MBNL1: variants seen among roughly 807,000 people sequenced by gnomAD.
MBNL1 encodes the protein muscleblind-like protein 1.
Under a neutral mutation model 42.2 loss-of-function variants are expected in MBNL1, and 8 were observed. The observed-to-expected ratio is 0.19, with a 90% CI of 0.11 to 0.34. The LOEUF (loss-of-function observed/expected upper bound fraction) is 0.34, where lower values mean the gene tolerates loss of function less well. Among genes scored for constraint, MBNL1 ranks in the 10% least tolerant of loss-of-function variants. The probability of loss-of-function intolerance (pLI) is 1.00; values close to 1 mark genes in which losing one functional copy is unlikely to be tolerated. For synonymous variants in MBNL1, 169 were observed against 173.9 expected (o/e 0.97, Z 0.22); for missense variants, 309 against 495.3 (o/e 0.62, Z 3.57).
At chr3:152,292,429 C>T (rs533995359) in intron 1 of MBNL1, among the ~76,000 whole-genome samples, 2 of 152,316 alleles carry the variant, frequency 1.3e-5, no homozygotes, top group African/African-American at 4.8e-5. Flanking sequence ...ATCCTTCCTA[C>T]AGTAGACCAC....
At chr3:152,413,793 G>T (rs1473841672) in intron 2 of MBNL1, among the ~76,000 whole-genome samples, 1 of 152,044 alleles carries the variant, frequency 6.6e-6, no homozygotes, top group East Asian at 1.9e-4. Flanking sequence ...TTGTCAAGGT[G>T]GTTGATGAGA....
chr3:152,284,250 A>G (rs924301224), intron 1 of MBNL1, among the ~76,000 whole-genome samples: 2 of 152,078 alleles, frequency 1.3e-5, no homozygotes, highest in African/African-American at 4.8e-5. Flanking sequence ...AAGAAAACCT[A>G]AAAAAAGAAG....
chr3:152,308,742 G>A (rs2064654533), intron 2 of MBNL1, among the ~76,000 whole-genome samples: 1 of 151,800 alleles, frequency 6.6e-6, no homozygotes, highest in Non-Finnish European at 1.5e-5. Context: ...GGTTGTTGCT[G>A]TTGTTTTCTA....
intron 2 of MBNL1, among the ~76,000 whole-genome samples, chr3:152,364,432 G>A (rs565463457): frequency 2.0e-5 from 3 of 152,132 alleles, no homozygotes; most frequent in South Asian, 2.1e-4. Flanking sequence ...TGGAAGTCAG[G>A]AAGGATAAAT....
rs183036022 is a variant in MBNL1 at position 152,295,718 on chromosome 3, C to T, written c.-789-3687C>T. Among the ~76,000 whole-genome samples, 203 of 152,202 alleles carry T rather than the reference C, an allele frequency of 1.3e-3. 1 individual carries two copies. Among genetic ancestry groups the T allele is most frequent in the Non-Finnish European group, 2.3e-3 (158 of 68,008 alleles). On this transcript the variant is annotated intron_variant, in intron 1 of 9. Transcript: ENST00000324210. ...TCCTATAGAGAAGGTGATTTTTGAACAGCAATTTAAACAAGGAGAAGGAAT... is the reference window on the plus strand; with the variant it reads ...TCCTATAGAGAAGGTGATTTTTGAATAGCAATTTAAACAAGGAGAAGGAAT...
chr3:152,446,285 T>A (rs1463520396), intron 5 of MBNL1, among the ~76,000 whole-genome samples: 1 of 152,164 alleles, frequency 6.6e-6, no homozygotes, highest in East Asian at 1.9e-4. Context: ...AATATATGAC[T>A]TAAATCAATG....
At chr3:152,268,543 A>G (rs1338627807), upstream of MBNL1, 1 of 349,390 alleles carries the variant, frequency 2.9e-6, no homozygotes, top group Non-Finnish European at 5.7e-6. Context: ...AGCAGTCGGT[A>G]GAAGAAGCGG....
rs535731487 is a variant in MBNL1, at chr3:152,337,757, C to T, written c.174+37390C>T. Among the ~76,000 whole-genome samples, 23 of 151,820 alleles carry T rather than the reference C, an allele frequency of 1.5e-4. No homozygotes were observed. The East Asian group carries it at 4.4e-3, about 29-fold the overall frequency. On this transcript the variant is annotated intron_variant, in intron 2 of 9. Transcript: ENST00000324210. ...CTCTGCACTGCTTATCTACTTGCTT[C>T]TTCTTTGTATTCTTCTCTTATCTCA...
chr3:152,310,103 G>A (rs982179741), intron 2 of MBNL1, among the ~76,000 whole-genome samples: 18 of 152,162 alleles, frequency 1.2e-4, no homozygotes, highest in African/African-American at 4.3e-4. Flanking sequence ...AGGAGCAGAT[G>A]AATTTTAGCT....
intron 2 of MBNL1, among the ~76,000 whole-genome samples, chr3:152,352,142 G>A (rs1047583846): frequency 6.6e-5 from 10 of 152,154 alleles, no homozygotes; most frequent in Admixed American, 6.5e-5. Flanking sequence ...ATGTTAGCCA[G>A]TTGATTTTAT....
At chr3:152,329,680 TA>T (rs1202670872) in intron 2 of MBNL1, among the ~76,000 whole-genome samples, 1 of 113,530 alleles carries the variant, frequency 8.8e-6, no homozygotes, top group African/African-American at 3.4e-5. Flanking sequence ...ATCTTATATA[TA>T]TATATCTTAT....
At chr3:152,429,675 C>G (rs2098980297) in intron 3 of MBNL1, among the ~76,000 whole-genome samples, 2 of 152,140 alleles carry the variant, frequency 1.3e-5, no homozygotes, top group Non-Finnish European at 2.9e-5. Context: ...TTAGGGCACT[C>G]TCTGATGGGG....
chr3:152,350,686 A>C (rs930072597), intron 2 of MBNL1, among the ~76,000 whole-genome samples: 3 of 152,092 alleles, frequency 2.0e-5, no homozygotes, highest in Non-Finnish European at 4.4e-5. Context: ...TTAACCAAAA[A>C]CTTCCTGAGA....
intron 1 of MBNL1, among the ~76,000 whole-genome samples, chr3:152,279,210 A>T (rs571499005): frequency 6.6e-6 from 1 of 152,246 alleles, no homozygotes; most frequent in South Asian, 2.1e-4. Context: ...CCTGGTAGTG[A>T]TAGTAGACAA....
At chr3:152,338,031 A>C in intron 2 of MBNL1, 5 of 906,716 alleles carry the variant, frequency 5.5e-6, no homozygotes, top group Non-Finnish European at 6.6e-6. Flanking sequence ...CGATGACAAG[A>C]TATAATAATT....
At position 152,411,442 on chromosome 3, in the gene MBNL1, C is replaced by T. The variant is rs577348935; in HGVS notation, c.175-3499C>T. Among the ~76,000 whole-genome samples, 5 of 152,154 alleles carry T rather than the reference C, an allele frequency of 3.3e-5. No homozygotes were observed. The South Asian group carries it at 8.3e-4, about 25-fold the overall frequency. ...GGCTGAGAAAGGAGAATGGTGTGAACCCAGGAGGCGGAGCTTGCAGTGAGC... is the reference window on the plus strand; with the variant it reads ...GGCTGAGAAAGGAGAATGGTGTGAATCCAGGAGGCGGAGCTTGCAGTGAGC... On this transcript the variant is annotated intron_variant, in intron 2 of 9. Coordinates refer to ENST00000324210, the MANE Select transcript of MBNL1 (RefSeq NM_021038.5).
intron 2 of MBNL1, among the ~76,000 whole-genome samples, chr3:152,355,923 G>A (rs1409800161): frequency 6.6e-6 from 1 of 152,168 alleles, no homozygotes; most frequent in Non-Finnish European, 1.5e-5. Flanking sequence ...CATGTGTTGT[G>A]CCAAGTCAGT....
chr3:152,270,814 T>C (rs2041093758), intron 1 of MBNL1, among the ~76,000 whole-genome samples: 2 of 152,174 alleles, frequency 1.3e-5, no homozygotes, highest in East Asian at 1.9e-4. Context: ...TATTATTATA[T>C]TGTTAGGTCT....
chr3:152,287,817 G>A (rs1268841212), intron 1 of MBNL1, among the ~76,000 whole-genome samples: 3 of 152,110 alleles, frequency 2.0e-5, no homozygotes, highest in East Asian at 1.9e-4. Flanking sequence ...AGCTTTAATC[G>A]CTGTCTCATT....
Sources: allele counts gnomAD v4.1 joint callset (sites outside exome capture counted in the v4.1 genomes callset), GRCh38; gene constraint gnomAD v4.1.1; transcripts MANE v1.5; gene names NCBI Gene and HGNC (gene_info 2026-07-23, HGNC 2026-07-21).